Variants in TMEM100 observed in about 807,000 individuals in gnomAD.
TMEM100 encodes the protein transmembrane protein 100.
For synonymous variants in TMEM100, 61 were observed against 67.1 expected, an observed-to-expected ratio of 0.91 and a Z score of 0.44; for missense variants, 137 against 168.2, an observed-to-expected ratio of 0.81 and a Z score of 1.02.
At chr17:55,731,558 G>C (rs569300912) in intron 1 of TMEM100, 2 of 152,224 alleles carry the variant, frequency 1.3e-5, no homozygotes, top group African/African-American at 4.8e-5. Flanking sequence ...ACTGAGACAA[G>C]ACAACTTGGG....
At chr17:55,721,370 AC>A (rs1908881613) in intron 1 of TMEM100, 1 of 296,682 alleles carries the variant, frequency 3.4e-6, no homozygotes, top group Admixed American at 4.5e-5. Flanking sequence ...TGTTTAATAT[AC>A]CCTGGCGGTC....
intron 1 of TMEM100, among the ~76,000 whole-genome samples, chr17:55,729,604 A>G (rs564396876): frequency 6.6e-5 from 10 of 152,190 alleles, no homozygotes; most frequent in African/African-American, 2.4e-4. Flanking sequence ...TAAAATTATG[A>G]ATAATTTTAT....
chr17:55,721,853 A>G (rs1023250706), intron 1 of TMEM100: 1 of 152,128 alleles, frequency 6.6e-6, no homozygotes, highest in Non-Finnish European at 1.5e-5. Flanking sequence ...AAAAAATTCA[A>G]CCCCTTCATA....
At chr17:55,729,717 T>TA (rs74812653) in intron 1 of TMEM100, among the ~76,000 whole-genome samples, 8,788 of 152,134 alleles carry the variant, frequency 0.058, 615 homozygotes, top group East Asian at 0.27. Context: ...TTGCATAGAA[T>TA]AAAAAAAATT....
chr17:55,721,105 C>A lies in TMEM100; in HGVS notation c.-35G>T. ...AGTGCTTCTAAGCTGGGTTTACAGACTAGATCTGGACAGTCTCACCAGGGT... is the reference window on the plus strand; with the variant it reads ...AGTGCTTCTAAGCTGGGTTTACAGAATAGATCTGGACAGTCTCACCAGGGT... On this transcript the variant is annotated 5_prime_UTR_variant, in exon 2 of 2. It removes the in-frame stop codon of an upstream open reading frame in the 5' UTR. Transcript: ENST00000424486. 1 of 1,577,104 alleles carries A rather than the reference C, an allele frequency of 6.3e-7. No homozygotes were observed. Among genetic ancestry groups the A allele is most frequent in the African/African-American group, 1.4e-5 (1 of 74,070 alleles).
chr17:55,720,908 G>C lies in TMEM100; in HGVS notation c.163C>G (p.Arg55Gly), dbSNP rs768212072. 2.5e-6 allele frequency: 4 copies of C among 1,614,206 alleles called. No homozygotes were observed. Among genetic ancestry groups the C allele is most frequent in the Admixed American group, 3.3e-5 (2 of 60,030 alleles). The change falls in exon 2 of 2, where the codon CGC (arginine) becomes GGC (glycine). Residue 55 changes from arginine to glycine, a missense_variant. By Grantham distance (125) the Arg-to-Gly change is moderately radical. Coordinates refer to ENST00000424486, the MANE Select transcript of TMEM100 (RefSeq NM_018286.3). ...ACCACAGCAAAGGGGATGATGCAGCGGTAGCAGGAGAGCTCGGTACCCCCT... is the reference window on the plus strand; with the variant it reads ...ACCACAGCAAAGGGGATGATGCAGCCGTAGCAGGAGAGCTCGGTACCCCCT... ...ATGGTELSCY[R>G]CIIPFAVVVF... is the part of the protein sequence containing the mutation.
chr17:55,720,167 T>C lies in TMEM100; in HGVS notation c.*499A>G, dbSNP rs1341025476. 1 of 153,278 alleles carries C rather than the reference T, an allele frequency of 6.5e-6. No homozygotes were observed. Among genetic ancestry groups the C allele is most frequent in the Admixed American group, 6.5e-5 (1 of 15,466 alleles). 9.5% of individuals were successfully genotyped at this position (153,278 alleles called of 1,614,324 possible). ...CACCAGTGATGAGTTATTAAAAGTA[T>C]AAAATGAAAACAGACGCCAGTGAAT... is the stretch of plus-strand genomic sequence containing the variant. On this transcript the variant is annotated 3_prime_UTR_variant, in exon 2 of 2. Transcript: ENST00000424486.
At chr17:55,729,591 G>T (rs73312378) in intron 1 of TMEM100, among the ~76,000 whole-genome samples, 6 of 151,984 alleles carry the variant, frequency 3.9e-5, no homozygotes, top group Non-Finnish European at 8.8e-5. Flanking sequence ...ATAAAATTTC[G>T]AGTAAAATTA....
At chr17:55,725,233 T>C (rs534646134), upstream of TMEM100, among the ~76,000 whole-genome samples, 1 of 152,274 alleles carries the variant, frequency 6.6e-6, no homozygotes, top group Non-Finnish European at 1.5e-5. Flanking sequence ...TGGGCATCCT[T>C]TGGGGACACC....
upstream of TMEM100, among the ~76,000 whole-genome samples, chr17:55,727,465 G>C (rs1313642987): frequency 6.6e-6 from 1 of 152,064 alleles, no homozygotes; most frequent in Non-Finnish European, 1.5e-5. Context: ...GGGAGGAGAA[G>C]GGAAGGGATC....
chr17:55,730,981 C>T (rs1487245699), intron 1 of TMEM100, among the ~76,000 whole-genome samples: 1 of 152,154 alleles, frequency 6.6e-6, no homozygotes, highest in Non-Finnish European at 1.5e-5. Flanking sequence ...AACCAATGAT[C>T]CCCAGAGAGT....
In TMEM100 at chr17:55,722,619, C is replaced by T. The variant is rs183797216; in HGVS notation, c.-66G>A. ...CTGTCCCCAAATTACTTACACTCAC[C>T]TCGGAGAGAGGCAATCCATTACCAG... On this transcript the variant is annotated splice_region_variant and 5_prime_UTR_variant, in exon 1 of 2. Coordinates refer to ENST00000424486, the MANE Select transcript of TMEM100 (RefSeq NM_018286.3). 5.0e-4 allele frequency: 76 copies of T among 152,294 alleles called. No homozygotes were observed. The highest frequency in any genetic ancestry group is 1.8e-3 in the African/African-American group (74 of 41,554). 9.4% of individuals were successfully genotyped at this position (152,294 alleles called of 1,614,324 possible).
At chr17:55,723,833 G>C (rs1908988045), upstream of TMEM100, among the ~76,000 whole-genome samples, 1 of 152,112 alleles carries the variant, frequency 6.6e-6, no homozygotes, top group Non-Finnish European at 1.5e-5. Context: ...TATACAACTT[G>C]ACACATCATA....
chr17:55,729,564 C>T (rs1480586670), intron 1 of TMEM100, among the ~76,000 whole-genome samples: 1 of 152,064 alleles, frequency 6.6e-6, no homozygotes, highest in Non-Finnish European at 1.5e-5. Context: ...TCAAAAAATT[C>T]TGTCATAGGC....
intron 1 of TMEM100, 63 bp downstream of exon 1, chr17:55,722,556 C>T (rs1908928438): frequency 6.6e-6 from 1 of 152,164 alleles, no homozygotes; most frequent in Non-Finnish European, 1.5e-5. Flanking sequence ...AATAACTTCA[C>T]CCCAAAGCTG....
chr17:55,729,921 C>A (rs1262265128), intron 1 of TMEM100, among the ~76,000 whole-genome samples: 1 of 152,148 alleles, frequency 6.6e-6, no homozygotes, highest in East Asian at 1.9e-4. Context: ...GTGGTTACTA[C>A]TCTAAGGTAC....
In TMEM100 at chr17:55,720,590, A is replaced by C. The variant is rs571097892; in HGVS notation, c.*76T>G. ...AACGCCAAGTCTGTTCTCTCCCACCATGGTTCTGGGTGAATTGGGTGACAA... is the reference window on the plus strand; with the variant it reads ...AACGCCAAGTCTGTTCTCTCCCACCCTGGTTCTGGGTGAATTGGGTGACAA... On this transcript the variant is annotated 3_prime_UTR_variant, in exon 2 of 2. Coordinates refer to ENST00000424486, the MANE Select transcript of TMEM100 (RefSeq NM_018286.3). The C allele has an allele frequency of 2.0e-5, 27 of 1,320,670 alleles. No homozygotes were observed. The highest frequency in any genetic ancestry group is 4.9e-5 in the Admixed American group (2 of 40,406). The allele number at this position is 1,320,670 out of a possible 1,614,324, so 81.8% of individuals were successfully genotyped here. A position where few individuals can be genotyped will look rare whatever the true frequency, so the allele number is the denominator to read the frequency against.
upstream of TMEM100, among the ~76,000 whole-genome samples, chr17:55,725,389 A>C (rs1020879413): frequency 2.0e-5 from 3 of 152,168 alleles, no homozygotes; most frequent in African/African-American, 7.2e-5. Context: ...AACTTTTCTC[A>C]AAGCCTCCAA....
At chr17:55,725,527 T>C (rs1451376832), upstream of TMEM100, among the ~76,000 whole-genome samples, 1 of 152,142 alleles carries the variant, frequency 6.6e-6, no homozygotes, top group Non-Finnish European at 1.5e-5. Flanking sequence ...CTGCCTGCCC[T>C]GCCAAGAGCA....
Sources: gnomAD v4.1 joint callset for allele counts (sites outside exome capture counted in the v4.1 genomes callset) on GRCh38, gnomAD v4.1.1 for gene constraint, MANE v1.5 for transcripts, NCBI Gene and HGNC (gene_info 2026-07-23, HGNC 2026-07-21) for gene names.